The following PDZD2 variants were observed in gnomAD, a reference collection of about 807,000 sequenced individuals.
PDZD2 encodes PDZ domain containing 2, also known as PDZ domain-containing protein 2.
In PDZD2, 90 loss-of-function variants were observed where a neutral mutation model predicts 220.7. The ratio of observed to expected loss-of-function variants is 0.41; its 90% CI spans 0.34 to 0.49. PDZD2 has a LOEUF of 0.49. PDZD2 is among the 20% of genes least tolerant of loss of function. PDZD2 has a pLI of 0.28. For missense variants in PDZD2, 3,174 were observed against 3,608.5 expected, an observed-to-expected ratio of 0.88 and a Z score of 3.08; for synonymous variants, 1,375 against 1,450.5, an observed-to-expected ratio of 0.95 and a Z score of 1.18.
intron 8 of PDZD2, among the ~76,000 whole-genome samples, chr5:32,051,181 C>T (rs328618): frequency 0.23 from 34,667 of 151,898 alleles, 4,142 homozygotes; most frequent in South Asian, 0.33. Context: ...GAAAGAGTTC[C>T]CTTAGGAGTT....
chr5:31,914,927 C>T (rs1484672810), intron 2 of PDZD2, among the ~76,000 whole-genome samples: 2 of 152,076 alleles, frequency 1.3e-5, no homozygotes, highest in East Asian at 1.9e-4. Context: ...GTGAGCCTGG[C>T]GGGGACTAGT....
chr5:31,874,449 A>G (rs537304369), intron 2 of PDZD2, among the ~76,000 whole-genome samples: 2 of 152,302 alleles, frequency 1.3e-5, no homozygotes, highest in East Asian at 3.9e-4. Flanking sequence ...CATTTTTAGA[A>G]TTCTTTTCAA....
chr5:31,762,397 C>T (rs1035501372), intron 1 of PDZD2, among the ~76,000 whole-genome samples: 5 of 152,222 alleles, frequency 3.3e-5, no homozygotes, highest in Admixed American at 2.0e-4. Context: ...AAGCGATTCT[C>T]CTTCCTCAGC....
chr5:31,990,558 G>T (rs1430774207), intron 3 of PDZD2, among the ~76,000 whole-genome samples: 4 of 152,204 alleles, frequency 2.6e-5, no homozygotes, highest in Non-Finnish European at 5.9e-5. Flanking sequence ...ATGAACACTG[G>T]CAAACAGACA....
Position 31,869,431 on chromosome 5 carries a change from C to T in PDZD2, c.476+69707C>T, listed in dbSNP as rs564360375. Among the ~76,000 whole-genome samples, 923 of 152,162 alleles carry T rather than the reference C, an allele frequency of 6.1e-3. 6 individuals carry two copies. The highest frequency in any genetic ancestry group is 9.7e-3 in the Non-Finnish European group (657 of 67,982). The stretch of plus-strand genomic sequence containing the variant: ...TACAAAAATTAGCCGGGCGTGGTGG[C>T]GGGCGCCTGTAGTCCCAGCTACTTG... On this transcript the variant is annotated intron_variant, in intron 2 of 24. Transcript: ENST00000438447.
intron 3 of PDZD2, among the ~76,000 whole-genome samples, chr5:31,986,271 GAGACTTGCC>G (rs1554019565): frequency 3.3e-5 from 5 of 152,060 alleles, no homozygotes; most frequent in Non-Finnish European, 1.5e-5. Context: ...ATAGAAAGGG[GAGACTTGCC>G]ATCTGGAATT....
At chr5:31,963,781 T>A (rs1239298609) in intron 2 of PDZD2, among the ~76,000 whole-genome samples, 1 of 152,220 alleles carries the variant, frequency 6.6e-6, no homozygotes, top group East Asian at 1.9e-4. Flanking sequence ...CATCTCTCTC[T>A]GGCAGAAGAG....
chr5:31,697,756 G>A (rs3097215), intron 1 of PDZD2, among the ~76,000 whole-genome samples: 115,305 of 152,018 alleles, frequency 0.76, 44,837 homozygotes, highest in East Asian at 0.93. Context: ...ACTGTGCTCA[G>A]TAATACAACC....
chr5:31,696,336 G>C (rs192391756), intron 1 of PDZD2, among the ~76,000 whole-genome samples: 19 of 152,236 alleles, frequency 1.2e-4, no homozygotes, highest in African/African-American at 4.6e-4. Flanking sequence ...GTCTCACTCT[G>C]TCCCCCAGGT....
intron 2 of PDZD2, among the ~76,000 whole-genome samples, chr5:31,941,624 C>T (rs887312513): frequency 2.0e-5 from 3 of 152,184 alleles, no homozygotes; most frequent in East Asian, 1.9e-4. Flanking sequence ...GTGAAATGTA[C>T]GTACTTGGGG....
At chr5:31,838,064 A>T (rs533143388) in intron 2 of PDZD2, among the ~76,000 whole-genome samples, 6 of 152,128 alleles carry the variant, frequency 3.9e-5, no homozygotes, top group Non-Finnish European at 7.4e-5. Context: ...ATTAAAAATT[A>T]TATCCTGTGT....
intron 2 of PDZD2, among the ~76,000 whole-genome samples, chr5:31,832,919 C>T (rs945048081): frequency 1.3e-5 from 2 of 152,000 alleles, no homozygotes; most frequent in African/African-American, 4.8e-5. Context: ...TTTGGGGTCA[C>T]AGGTGGCCAA....
intron 2 of PDZD2, among the ~76,000 whole-genome samples, chr5:31,868,994 A>G (rs1738491572): frequency 6.6e-6 from 1 of 152,104 alleles, no homozygotes; most frequent in Non-Finnish European, 1.5e-5. Context: ...GCTGGTCTTG[A>G]ACTCCTGGCC....
At chr5:31,949,259 G>T (rs1360651808) in intron 2 of PDZD2, among the ~76,000 whole-genome samples, 2 of 151,934 alleles carry the variant, frequency 1.3e-5, no homozygotes, top group African/African-American at 4.8e-5. Flanking sequence ...ACGTTAGGAA[G>T]TATGCAACTT....
intron 1 of PDZD2, among the ~76,000 whole-genome samples, chr5:31,794,463 C>A (rs545487857): frequency 1.4e-5 from 2 of 141,834 alleles, no homozygotes; most frequent in Non-Finnish European, 3.0e-5. Context: ...TGCAGTGGCA[C>A]GATCTCGGCT....
intron 1 of PDZD2, among the ~76,000 whole-genome samples, chr5:31,710,978 A>G (rs994323576): frequency 6.6e-6 from 1 of 152,188 alleles, no homozygotes; most frequent in African/African-American, 2.4e-5. Context: ...GAAAAAAGAC[A>G]CACACAAAAA....
intron 24 of PDZD2, 92 bp from the exon 25 acceptor site, chr5:32,107,876 TA>T: frequency 1.4e-6 from 1 of 691,212 alleles, no homozygotes; most frequent in Middle Eastern, 2.7e-4. Flanking sequence ...ATTATTTAGA[TA>T]TTTTTATCAC....
chr5:31,845,209 A>G (rs1757522564), intron 2 of PDZD2, among the ~76,000 whole-genome samples: 1 of 152,222 alleles, frequency 6.6e-6, no homozygotes, highest in Admixed American at 6.5e-5. Context: ...CTGGCTTACA[A>G]TATCAGGCAT....
intron 2 of PDZD2, among the ~76,000 whole-genome samples, chr5:31,964,292 T>G (rs764758915): frequency 4.1e-4 from 62 of 152,192 alleles, no homozygotes; most frequent in Non-Finnish European, 7.3e-4. Flanking sequence ...CTGAGTCCAT[T>G]ATCCCATTGA....
Sources: allele counts gnomAD v4.1 joint callset (sites outside exome capture counted in the v4.1 genomes callset), GRCh38; gene constraint gnomAD v4.1.1; transcripts MANE v1.5; gene names NCBI Gene and HGNC (gene_info 2026-07-23, HGNC 2026-07-21).